The following IL1RAPL1 variants were observed in gnomAD, a reference collection of about 807,000 sequenced individuals.
IL1RAPL1 encodes interleukin-1 receptor accessory protein-like 1.
A neutral mutation model predicts 48.4 loss-of-function variants in IL1RAPL1; 3 were observed. That is an observed-to-expected ratio of 0.06 (90% confidence interval 0.03 to 0.16). The LOEUF is 0.16. IL1RAPL1 is among the 10% of genes least tolerant of loss of function. IL1RAPL1 has a pLI of 1.00. For synonymous variants in IL1RAPL1, 185 were observed against 187.7 expected, an observed-to-expected ratio of 0.99 and a Z score of 0.12; for missense variants, 349 against 530.6, an observed-to-expected ratio of 0.66 and a Z score of 3.36.
intron 2 of IL1RAPL1, among the ~76,000 whole-genome samples, chrX:29,192,428 G>A (rs1190537183): frequency 9.0e-6 from 1 of 111,643 alleles, no homozygotes; most frequent in Non-Finnish European, 1.9e-5. Flanking sequence ...TAGATGGAGT[G>A]ATTATTTAAC....
intron 3 of IL1RAPL1, among the ~76,000 whole-genome samples, chrX:29,372,333 A>G (rs1486919280): frequency 2.7e-5 from 3 of 111,942 alleles, no homozygotes; most frequent in Non-Finnish European, 5.6e-5. Flanking sequence ...CTTTCGCCAA[A>G]TGCATAGTTG....
At chrX:28,614,908 G>A (rs1180088169) in intron 1 of IL1RAPL1, among the ~76,000 whole-genome samples, 1 of 110,035 alleles carries the variant, frequency 9.1e-6, no homozygotes, top group African/African-American at 3.3e-5. Context: ...TTTTTTTTCG[G>A]GACACAGTCT....
chrX:28,907,504 C>T (rs1923248970), intron 2 of IL1RAPL1, among the ~76,000 whole-genome samples: 1 of 112,596 alleles, frequency 8.9e-6, no homozygotes, highest in Non-Finnish European at 1.9e-5. Flanking sequence ...ATGCGTACAC[C>T]TCAACCTCCC....
chrX:29,085,687 A>G (rs1927938438), intron 2 of IL1RAPL1, among the ~76,000 whole-genome samples: 1 of 111,813 alleles, frequency 8.9e-6, no homozygotes, highest in South Asian at 3.7e-4. Context: ...AGAAATGTGT[A>G]TAAAATAGGG....
chrX:29,057,059 C>G (rs900408993), intron 2 of IL1RAPL1, among the ~76,000 whole-genome samples: 1 of 111,735 alleles, frequency 8.9e-6, no homozygotes, highest in Non-Finnish European at 1.9e-5. Context: ...ATCCTCGCAG[C>G]GGTGTGCACT....
chrX:28,637,441 C>T (rs1934478705), intron 1 of IL1RAPL1, among the ~76,000 whole-genome samples: 1 of 111,588 alleles, frequency 9.0e-6, no homozygotes. Context: ...CCACCCCACC[C>T]CCAGAATAAT....
chrX:29,676,570 ATAGT>A (rs754524874), intron 6 of IL1RAPL1, among the ~76,000 whole-genome samples: 16 of 112,020 alleles, frequency 1.4e-4, no homozygotes, highest in Non-Finnish European at 3.0e-4. Flanking sequence ...CCAAATGCAT[ATAGT>A]AAGTACATAG....
intron 6 of IL1RAPL1, among the ~76,000 whole-genome samples, chrX:29,699,491 G>A (rs981475665): frequency 2.7e-5 from 3 of 112,291 alleles, no homozygotes; most frequent in African/African-American, 9.7e-5. Context: ...ACAGCCAAAT[G>A]AGGAGACAGT....
chrX:29,266,024 T>G (rs1017941498), intron 2 of IL1RAPL1, among the ~76,000 whole-genome samples: 3 of 111,247 alleles, frequency 2.7e-5, no homozygotes, highest in Non-Finnish European at 3.8e-5. Flanking sequence ...GGTGGGACTG[T>G]AAACTAGTTC....
chrX:29,177,572 T>C (rs1930050608), intron 2 of IL1RAPL1, among the ~76,000 whole-genome samples: 1 of 111,975 alleles, frequency 8.9e-6, no homozygotes, highest in Non-Finnish European at 1.9e-5. Flanking sequence ...AAAAGTATTG[T>C]TTAAGGTACT....
intron 2 of IL1RAPL1, among the ~76,000 whole-genome samples, chrX:28,966,355 T>G (rs1377528357): frequency 8.9e-6 from 1 of 112,048 alleles, no homozygotes; most frequent in East Asian, 2.8e-4. Context: ...AAGATGAGAA[T>G]GCCTTGAGGT....
At chrX:29,885,316 T>A (rs1932128744) in intron 6 of IL1RAPL1, among the ~76,000 whole-genome samples, 1 of 112,183 alleles carries the variant, frequency 8.9e-6, no homozygotes, top group Non-Finnish European at 1.9e-5. Flanking sequence ...CTACCTTTTC[T>A]CCTTTCCCCA....
chrX:28,822,951 G>A (rs1312737683), intron 2 of IL1RAPL1, among the ~76,000 whole-genome samples: 1 of 111,272 alleles, frequency 9.0e-6, no homozygotes, highest in African/African-American at 3.3e-5. Context: ...GTATCCATGC[G>A]AGGACCATCC....
chrX:29,643,840 T>A (rs1925239863), intron 5 of IL1RAPL1, among the ~76,000 whole-genome samples: 1 of 112,037 alleles, frequency 8.9e-6, no homozygotes, highest in South Asian at 3.7e-4. Context: ...GGCATTGAAA[T>A]CTTTAATATT....
At chrX:28,957,426 C>A (rs1333895126) in intron 2 of IL1RAPL1, among the ~76,000 whole-genome samples, 1 of 111,563 alleles carries the variant, frequency 9.0e-6, no homozygotes, top group African/African-American at 3.3e-5. Context: ...GAATTTTAAT[C>A]AAGCGCTTCT....
At chrX:29,893,753 C>T (rs1318480751) in intron 6 of IL1RAPL1, among the ~76,000 whole-genome samples, 1 of 111,155 alleles carries the variant, frequency 9.0e-6, no homozygotes, top group Non-Finnish European at 1.9e-5. Context: ...TGACAAGTTT[C>T]CAAAAATTAA....
At chrX:29,262,546 C>T (rs746265741) in intron 2 of IL1RAPL1, among the ~76,000 whole-genome samples, 13 of 110,198 alleles carry the variant, frequency 1.2e-4, no homozygotes, top group Middle Eastern at 4.7e-3. Flanking sequence ...GCCAGTAATC[C>T]TAGCTACTCG....
chrX:29,888,458 A>G (rs1419145393), intron 6 of IL1RAPL1, among the ~76,000 whole-genome samples: 1 of 110,567 alleles, frequency 9.0e-6, no homozygotes, highest in Non-Finnish European at 1.9e-5. Context: ...TCCTGACCTC[A>G]GGTGATTCTC....
intron 5 of IL1RAPL1, among the ~76,000 whole-genome samples, chrX:29,583,818 T>C (rs1173871353): frequency 9.0e-6 from 1 of 110,986 alleles, no homozygotes; most frequent in Non-Finnish European, 1.9e-5. Context: ...ACTTCAAAGA[T>C]AGCATCTTAA....
Sources: allele counts gnomAD v4.1 joint callset (sites outside exome capture counted in the v4.1 genomes callset), GRCh38; gene constraint gnomAD v4.1.1; transcripts MANE v1.5; gene names NCBI Gene and HGNC (gene_info 2026-07-23, HGNC 2026-07-21).